Variants in CRACDL observed in about 807,000 individuals in gnomAD.
CRACDL encodes the protein CRACD-like protein.
In CRACDL, 26 loss-of-function variants were observed where a neutral mutation model predicts 70.6. The observed-to-expected ratio is 0.37, with a 90% CI of 0.27 to 0.51. CRACDL has a LOEUF of 0.51. Among genes scored for constraint, CRACDL ranks in the 20% least tolerant of loss-of-function variants. CRACDL has a pLI of 0.94. For synonymous variants in CRACDL, 618 were observed against 615.2 expected, an observed-to-expected ratio of 1.00 and a Z score of -0.07; for missense variants, 1,283 against 1,376.9, an observed-to-expected ratio of 0.93 and a Z score of 1.08.
intron 7 of CRACDL, among the ~76,000 whole-genome samples, chr2:98,811,395 A>G (rs1044819724): frequency 6.6e-6 from 1 of 151,540 alleles, no homozygotes; most frequent in African/African-American, 2.4e-5. Context: ...CTGTAGTCCC[A>G]GCTACTCGGG....
chr2:98,806,005 G>A (rs920713525), intron 7 of CRACDL, among the ~76,000 whole-genome samples: 1 of 152,266 alleles, frequency 6.6e-6, no homozygotes, highest in Non-Finnish European at 1.5e-5. Flanking sequence ...AGGGCCCAGA[G>A]GGGCCGTCTT....
chr2:98,911,860 C>T (rs1324752710), intron 1 of CRACDL, among the ~76,000 whole-genome samples: 2 of 152,316 alleles, frequency 1.3e-5, no homozygotes, highest in Non-Finnish European at 2.9e-5. Flanking sequence ...GTGTGTGTTT[C>T]GCATATGGCT....
chr2:98,841,503 T>C (rs182363147), intron 2 of CRACDL, among the ~76,000 whole-genome samples: 3 of 152,310 alleles, frequency 2.0e-5, no homozygotes, highest in Admixed American at 2.0e-4. Context: ...GTTTTAATTC[T>C]GATTGTTAAA....
chr2:98,891,408 C>CA (rs1707978289), intron 1 of CRACDL, among the ~76,000 whole-genome samples: 1 of 92,714 alleles, frequency 1.1e-5, no homozygotes, highest in African/African-American at 5.0e-5. Flanking sequence ...AAAAAAAATC[C>CA]AAACTTTGGA....
At chr2:98,849,892 A>C (rs1489969067) in intron 1 of CRACDL, among the ~76,000 whole-genome samples, 1 of 152,174 alleles carries the variant, frequency 6.6e-6, no homozygotes, top group Non-Finnish European at 1.5e-5. Context: ...CCTACCACCT[A>C]CCAGTGCCAG....
chr2:98,898,315 G>A (rs1045914019), intron 1 of CRACDL, among the ~76,000 whole-genome samples: 5 of 152,252 alleles, frequency 3.3e-5, no homozygotes, highest in Admixed American at 2.6e-4. Context: ...CCTCAGAGAG[G>A]TCACCTCGCT....
chr2:98,816,941 G>C (rs553073215), intron 7 of CRACDL, among the ~76,000 whole-genome samples: 1 of 152,344 alleles, frequency 6.6e-6, no homozygotes, highest in Admixed American at 6.5e-5. Context: ...CCAAGATGCG[G>C]AAACAGCCTA....
At chr2:98,919,497 G>A (rs1708748132) in intron 1 of CRACDL, among the ~76,000 whole-genome samples, 1 of 152,128 alleles carries the variant, frequency 6.6e-6, no homozygotes. Context: ...GGTATCATGT[G>A]TAGAAAGATG....
chr2:98,907,705 T>C (rs192806875), intron 1 of CRACDL, among the ~76,000 whole-genome samples: 1 of 152,370 alleles, frequency 6.6e-6, no homozygotes, highest in East Asian at 1.9e-4. Flanking sequence ...AGACCTGCAC[T>C]GAGTGTTGTT....
chr2:98,862,339 A>G (rs1238562661), intron 1 of CRACDL, among the ~76,000 whole-genome samples: 1 of 152,230 alleles, frequency 6.6e-6, no homozygotes, highest in Non-Finnish European at 1.5e-5. Context: ...CAGAGTTACC[A>G]TACTATTAGA....
intron 1 of CRACDL, among the ~76,000 whole-genome samples, chr2:98,851,835 G>A (rs555666017): frequency 6.6e-6 from 1 of 152,302 alleles, no homozygotes; most frequent in South Asian, 2.1e-4. Context: ...ATAAACTGTG[G>A]AGAAAAGATG....
intron 7 of CRACDL, among the ~76,000 whole-genome samples, chr2:98,818,579 T>C (rs1704889340): frequency 6.6e-6 from 1 of 152,202 alleles, no homozygotes; most frequent in South Asian, 2.1e-4. Context: ...CAACAGCAAA[T>C]ATTAGGTCTT....
chr2:98,882,575 T>A (rs773570599), intron 1 of CRACDL, among the ~76,000 whole-genome samples: 6 of 151,820 alleles, frequency 4.0e-5, no homozygotes, highest in Non-Finnish European at 8.8e-5. Flanking sequence ...CTGTTGGGAG[T>A]CCTGGATCCA....
At chr2:98,913,318 C>T (rs970031169) in intron 1 of CRACDL, among the ~76,000 whole-genome samples, 17 of 152,196 alleles carry the variant, frequency 1.1e-4, no homozygotes, top group African/African-American at 3.9e-4. Flanking sequence ...CACATGAGAA[C>T]GGTCACCTCT....
At chr2:98,925,271 G>A (rs114594219) in intron 1 of CRACDL, among the ~76,000 whole-genome samples, 1 of 152,196 alleles carries the variant, frequency 6.6e-6, no homozygotes, top group African/African-American at 2.4e-5. Flanking sequence ...TGCACACTTG[G>A]GGGGAGGAAC....
intron 1 of CRACDL, among the ~76,000 whole-genome samples, chr2:98,933,925 G>T (rs1709145089): frequency 6.6e-6 from 1 of 152,216 alleles, no homozygotes; most frequent in Non-Finnish European, 1.5e-5. Flanking sequence ...CAGGTTGGGT[G>T]TCTGGTGGGG....
intron 7 of CRACDL, among the ~76,000 whole-genome samples, chr2:98,811,356 A>G (rs1181225570): frequency 6.6e-6 from 1 of 151,618 alleles, no homozygotes; most frequent in African/African-American, 2.4e-5. Flanking sequence ...CTAAAAATAC[A>G]AAAAAATTAG....
chr2:98,905,175 G>A (rs1296362892), intron 1 of CRACDL, among the ~76,000 whole-genome samples: 4 of 150,114 alleles, frequency 2.7e-5, no homozygotes, highest in Non-Finnish European at 5.9e-5. Flanking sequence ...GCGTGAACCC[G>A]GGAGGCGGAG....
chr2:98,900,612 C>T (rs985825303), intron 1 of CRACDL, among the ~76,000 whole-genome samples: 46 of 152,136 alleles, frequency 3.0e-4, no homozygotes, highest in Non-Finnish European at 5.9e-4. Flanking sequence ...TGTGTGTGGG[C>T]GTGTGCATGC....
Sources: allele counts gnomAD v4.1 joint callset (sites outside exome capture counted in the v4.1 genomes callset), GRCh38; gene constraint gnomAD v4.1.1; transcripts MANE v1.5; gene names NCBI Gene and HGNC (gene_info 2026-07-23, HGNC 2026-07-21).